Variants in TMOD1 observed in about 807,000 individuals in gnomAD.
TMOD1 encodes tropomodulin 1.
A neutral mutation model predicts 40.6 loss-of-function variants in TMOD1; 17 were observed. The observed-to-expected ratio is 0.42, with a 90% CI of 0.29 to 0.63. The LOEUF (loss-of-function observed/expected upper bound fraction) is 0.63, where lower values mean the gene tolerates loss of function less well. Among genes scored for constraint, TMOD1 ranks in the 20% least tolerant of loss-of-function variants. The pLI is 0.22. For missense variants in TMOD1, 391 were observed against 447.6 expected (o/e 0.87, Z 1.14); for synonymous variants, 181 against 175.0 (o/e 1.03, Z -0.27).
intron 1 of TMOD1, among the ~76,000 whole-genome samples, chr9:97,507,902 A>G (rs926494574): frequency 1.3e-5 from 2 of 152,172 alleles, no homozygotes; most frequent in African/African-American, 4.8e-5. Flanking sequence ...AGGCCACTAG[A>G]CAGAGGGCAT....
chr9:97,585,595 A>C, intron 8 of TMOD1, among the ~76,000 whole-genome samples: 1 of 146,890 alleles, frequency 6.8e-6, no homozygotes, highest in Non-Finnish European at 1.5e-5. Context: ...TATCCTGCAG[A>C]GTGTTTTCCA....
At chr9:97,567,924 C>G (rs1160071837) in intron 7 of TMOD1, among the ~76,000 whole-genome samples, 1 of 152,196 alleles carries the variant, frequency 6.6e-6, no homozygotes, top group Non-Finnish European at 1.5e-5. Flanking sequence ...TATGTCCTAT[C>G]AGCTGCTGGT....
At chr9:97,577,358 C>A (rs1825635943) in intron 8 of TMOD1, among the ~76,000 whole-genome samples, 1 of 152,218 alleles carries the variant, frequency 6.6e-6, no homozygotes, top group Non-Finnish European at 1.5e-5. Flanking sequence ...CTCAGAGGCA[C>A]TTAAGTGAGG....
chr9:97,547,900 A>G (rs1349705768), intron 3 of TMOD1, among the ~76,000 whole-genome samples: 3 of 152,206 alleles, frequency 2.0e-5, no homozygotes, highest in Non-Finnish European at 2.9e-5. Context: ...GAGGCCTGCC[A>G]TATAGTAGGG....
At chr9:97,565,243 A>G (rs1830708912) in intron 6 of TMOD1, among the ~76,000 whole-genome samples, 1 of 152,064 alleles carries the variant, frequency 6.6e-6, no homozygotes, top group South Asian at 2.1e-4. Flanking sequence ...AGTGGTTTTC[A>G]CCTGAGAAGA....
At chr9:97,584,055 G>A (rs1341737306) in intron 8 of TMOD1, among the ~76,000 whole-genome samples, 1 of 150,430 alleles carries the variant, frequency 6.6e-6, no homozygotes, top group African/African-American at 2.4e-5. Context: ...TTTTGAATGT[G>A]TTTGCTCTTG....
intron 3 of TMOD1, among the ~76,000 whole-genome samples, chr9:97,551,029 T>A (rs1485385905): frequency 0.31 from 17,137 of 55,732 alleles, 1,185 homozygotes; most frequent in South Asian, 0.39. Context: ...TTTTTTTTTT[T>A]TTTTTTTTTT....
chr9:97,524,078 T>A (rs1259114592), intron 1 of TMOD1, 63 bp from the exon 2 acceptor site: 1 of 1,279,884 alleles, frequency 7.8e-7, no homozygotes, highest in African/African-American at 1.5e-5. Flanking sequence ...ACGATGAGCC[T>A]CCATTTGCTC....
intron 3 of TMOD1, among the ~76,000 whole-genome samples, chr9:97,546,859 G>A (rs1830367596): frequency 1.3e-5 from 2 of 150,448 alleles, no homozygotes; most frequent in South Asian, 4.2e-4. Context: ...AACCCAGGAG[G>A]TGGAGGTTGC....
At position 97,601,115 on chromosome 9, in the gene TMOD1, C is replaced by CT; in HGVS notation, c.*1418dup. Reference sequence around the variant, plus strand: ...CCTCAGCGCTATGGAAGAGTGTCCACTGAGGCTGCACATGGCCCAGGAGTG... The same window carrying CT: ...CCTCAGCGCTATGGAAGAGTGTCCACTTGAGGCTGCACATGGCCCAGGAGTG... On this transcript the variant is annotated 3_prime_UTR_variant, in exon 10 of 10. Coordinates refer to ENST00000259365, the MANE Select transcript of TMOD1 (RefSeq NM_003275.4). 1 of 1,304,308 alleles carries CT rather than the reference C, an allele frequency of 7.7e-7. No homozygotes were observed. Among genetic ancestry groups the CT allele is most frequent in the Non-Finnish European group, 1.0e-6 (1 of 988,956 alleles). The allele number at this position is 1,304,308 out of a possible 1,614,324, so 80.8% of individuals were successfully genotyped here.
chr9:97,519,507 G>A (rs1240544702), intron 1 of TMOD1, among the ~76,000 whole-genome samples: 2 of 152,188 alleles, frequency 1.3e-5, no homozygotes, highest in Non-Finnish European at 2.9e-5. Context: ...GCTGCTGCAG[G>A]TGGGCCATGC....
intron 7 of TMOD1, among the ~76,000 whole-genome samples, chr9:97,568,468 G>GAGA (rs1441364243): frequency 2.6e-5 from 4 of 152,214 alleles, no homozygotes; most frequent in South Asian, 2.1e-4. Context: ...AGAGTTCTTG[G>GAGA]AGAAAGAGAC....
chr9:97,589,602 GGT>G (rs1825959712), intron 8 of TMOD1, among the ~76,000 whole-genome samples: 1 of 151,904 alleles, frequency 6.6e-6, no homozygotes, highest in Admixed American at 6.6e-5. Context: ...TTTGTGTAGG[GGT>G]GTGTGTGTAT....
At chr9:97,518,572 G>A (rs1169312778) in intron 1 of TMOD1, among the ~76,000 whole-genome samples, 1 of 152,214 alleles carries the variant, frequency 6.6e-6, no homozygotes, top group Non-Finnish European at 1.5e-5. Context: ...GGGCCACCTT[G>A]GGACCTTGTC....
At chr9:97,589,133 AAAG>A (rs1347219413) in intron 8 of TMOD1, among the ~76,000 whole-genome samples, 91 of 148,460 alleles carry the variant, frequency 6.1e-4, no homozygotes, top group South Asian at 2.1e-3. Context: ...AAAAAAAAAA[AAAG>A]AAGAAGAATT....
chr9:97,563,662 A>T (rs1457071723), intron 5 of TMOD1, among the ~76,000 whole-genome samples: 1 of 152,142 alleles, frequency 6.6e-6, no homozygotes, highest in Non-Finnish European at 1.5e-5. Flanking sequence ...AAAAATAATT[A>T]TTCCTCCCTC....
Position 97,569,020 on chromosome 9 carries a change from A to G in TMOD1, c.853A>G (p.Met285Val), listed in dbSNP as rs1443762819. 1.7e-5 allele frequency: 27 copies of G among 1,614,022 alleles called. No individual in the cohort carries two copies. The highest frequency in any genetic ancestry group is 2.2e-5 in the Non-Finnish European group (26 of 1,180,026). ...CCCATACAACACTTCTCTGGTGGAA[A>G]TGAAAATTGACAACCAGGTGAGATG... is the stretch of plus-strand genomic sequence containing the variant. Reference protein sequence around the residue: ...ALPYNTSLVEMKIDNQSQPLG... With the variant: ...ALPYNTSLVEVKIDNQSQPLG... The change falls in exon 8 of 10, where the codon ATG becomes GTG. Residue 285 changes from methionine to valine, a missense_variant. Transcript: ENST00000259365.
At chr9:97,559,014 C>T (rs1830575513) in intron 4 of TMOD1, among the ~76,000 whole-genome samples, 1 of 152,226 alleles carries the variant, frequency 6.6e-6, no homozygotes, top group Admixed American at 6.5e-5. Context: ...TCTAGACCAT[C>T]ACAGGAAGCT....
At chr9:97,581,422 CT>C (rs988557224) in intron 8 of TMOD1, among the ~76,000 whole-genome samples, 1 of 151,904 alleles carries the variant, frequency 6.6e-6, no homozygotes, top group Non-Finnish European at 1.5e-5. Flanking sequence ...GGTTCCAAGT[CT>C]TTGCGATTGT....
Sources: allele counts gnomAD v4.1 joint callset (sites outside exome capture counted in the v4.1 genomes callset), GRCh38; gene constraint gnomAD v4.1.1; transcripts MANE v1.5; gene names NCBI Gene and HGNC (gene_info 2026-07-23, HGNC 2026-07-21).